Variants in SORCS1 observed in about 807,000 individuals in gnomAD.
SORCS1 encodes sortilin related VPS10 domain containing receptor 1, also known as VPS10 domain-containing receptor SorCS1.
A neutral mutation model predicts 146.1 loss-of-function variants in SORCS1; 60 were observed. The ratio of observed to expected loss-of-function variants is 0.41; its 90% CI spans 0.33 to 0.51. The LOEUF is 0.51. Among genes scored for constraint, SORCS1 ranks in the 20% least tolerant of loss-of-function variants. The pLI is 0.21. For missense variants in SORCS1, 1,352 were observed against 1,487.6 expected (o/e 0.91, Z 1.50); for synonymous variants, 637 against 584.0 (o/e 1.09, Z -1.31).
intron 3 of SORCS1, among the ~76,000 whole-genome samples, chr10:106,793,698 G>A (rs543820924): frequency 1.8e-4 from 28 of 152,252 alleles, no homozygotes; most frequent in African/African-American, 6.7e-4. Context: ...GACCAGTTAA[G>A]CATTACCCAA....
intron 1 of SORCS1, among the ~76,000 whole-genome samples, chr10:107,026,025 T>C (rs182468993): frequency 6.2e-4 from 94 of 152,198 alleles, no homozygotes; most frequent in African/African-American, 2.2e-3. Flanking sequence ...CCCCATGAAT[T>C]CCAACCTGAA....
intron 5 of SORCS1, among the ~76,000 whole-genome samples, chr10:106,736,041 A>C (rs945815974): frequency 2.0e-5 from 3 of 152,206 alleles, no homozygotes; most frequent in Non-Finnish European, 4.4e-5. Context: ...CAAGAATATG[A>C]ATAAAAACAA....
chr10:106,834,819 T>C (rs79529452), intron 2 of SORCS1, among the ~76,000 whole-genome samples: 2,548 of 152,344 alleles, frequency 0.017, 91 homozygotes, highest in African/African-American at 0.058. Context: ...ATTTTCAGGC[T>C]TTGTTTACAG....
At chr10:106,686,154 C>T (rs1852816000) in intron 10 of SORCS1, among the ~76,000 whole-genome samples, 1 of 152,018 alleles carries the variant, frequency 6.6e-6, no homozygotes, top group South Asian at 2.1e-4. Context: ...AAGTGATTGC[C>T]AAGTAAAAGT....
chr10:106,960,348 T>C lies in SORCS1; in HGVS notation c.559-3768A>G, dbSNP rs1955162020. Among the ~76,000 whole-genome samples, 1 of 152,162 alleles carries C rather than the reference T, an allele frequency of 6.6e-6. No individual in the cohort carries two copies. The highest frequency in any genetic ancestry group is 1.5e-5 in the Non-Finnish European group (1 of 68,016). ...CACTGTGACTCCTTCTTGCCACATC[T>C]ATCGCTTACACAACTTTTGGGAGGA... On this transcript the variant is annotated intron_variant, in intron 1 of 25. Coordinates refer to ENST00000263054, the MANE Select transcript of SORCS1 (RefSeq NM_052918.5). This position sits in a 1 kb window ranked among gnomAD's most constrained non-coding sequence, Gnocchi z 4.4.
At chr10:106,683,327 T>C (rs191408195) in intron 10 of SORCS1, among the ~76,000 whole-genome samples, 3 of 152,372 alleles carry the variant, frequency 2.0e-5, no homozygotes, top group Non-Finnish European at 4.4e-5. Flanking sequence ...CTTTGACCAA[T>C]ATCTCCCTAT....
At chr10:106,762,895 C>A (rs1373452843) in intron 4 of SORCS1, among the ~76,000 whole-genome samples, 1 of 152,164 alleles carries the variant, frequency 6.6e-6, no homozygotes, top group African/African-American at 2.4e-5. Context: ...TTGCTCTCAG[C>A]ATGTCCTGAA....
intron 9 of SORCS1, among the ~76,000 whole-genome samples, chr10:106,691,514 T>G (rs1391705395): frequency 6.6e-6 from 1 of 152,254 alleles, no homozygotes; most frequent in East Asian, 1.9e-4. Context: ...ATCATTTTAA[T>G]TAGACTAAAT....
intron 2 of SORCS1, among the ~76,000 whole-genome samples, chr10:106,837,803 G>C (rs1948846802): frequency 6.6e-6 from 1 of 151,660 alleles, no homozygotes; most frequent in Non-Finnish European, 1.5e-5. Flanking sequence ...TTTTTTTCCA[G>C]ATACCTAATA....
chr10:106,789,911 A>G (rs1429277756), intron 3 of SORCS1, among the ~76,000 whole-genome samples: 1 of 152,232 alleles, frequency 6.6e-6, no homozygotes, highest in African/African-American at 2.4e-5. Context: ...ACTGACAATC[A>G]TGGCAGAAGG....
chr10:106,911,081 A>C (rs575629841), intron 2 of SORCS1, among the ~76,000 whole-genome samples: 7 of 152,338 alleles, frequency 4.6e-5, no homozygotes, highest in African/African-American at 1.7e-4. Flanking sequence ...CTTCATTTGG[A>C]CCAGTTCACA....
At chr10:107,132,674 A>T (rs1220858515) in intron 1 of SORCS1, among the ~76,000 whole-genome samples, 1 of 152,204 alleles carries the variant, frequency 6.6e-6, no homozygotes, top group African/African-American at 2.4e-5. Flanking sequence ...GAAAATCAAC[A>T]CACTATTTTA....
In SORCS1 at chr10:106,753,753, T is replaced by C. The variant is rs181263211; in HGVS notation, c.959+7835A>G. On this transcript the variant is annotated intron_variant, in intron 5 of 25. Coordinates refer to ENST00000263054, the MANE Select transcript of SORCS1 (RefSeq NM_052918.5). ...TGGATATGGATAAAGTATCTGCCAG[T>C]GTAGGAGTTTTACGTAAGAAGAGAA... is the stretch of plus-strand genomic sequence containing the variant. Among the ~76,000 whole-genome samples, 436 of 151,040 alleles carry C rather than the reference T, an allele frequency of 2.9e-3. 4 individuals are homozygous for C. The highest frequency in any genetic ancestry group is 9.8e-3 in the African/African-American group (401 of 41,106).
At chr10:106,896,401 C>A (rs536740763) in intron 2 of SORCS1, among the ~76,000 whole-genome samples, 1 of 148,080 alleles carries the variant, frequency 6.8e-6, no homozygotes, top group South Asian at 2.1e-4. Flanking sequence ...TGCACTCCAG[C>A]CTGGGTGACA....
intron 3 of SORCS1, among the ~76,000 whole-genome samples, chr10:106,798,209 C>T (rs2136606696): frequency 6.6e-6 from 1 of 152,268 alleles, no homozygotes; most frequent in South Asian, 2.1e-4. Flanking sequence ...ATGCCTTTCA[C>T]CTTCTGCCAT....
chr10:106,668,839 G>A (rs1851368269), intron 16 of SORCS1, among the ~76,000 whole-genome samples: 1 of 152,144 alleles, frequency 6.6e-6, no homozygotes, highest in South Asian at 2.1e-4. Flanking sequence ...AGAGGGACAG[G>A]CAAGGTCATT....
At chr10:106,700,776 A>G (rs1854083532) in intron 8 of SORCS1, among the ~76,000 whole-genome samples, 1 of 152,186 alleles carries the variant, frequency 6.6e-6, no homozygotes, top group African/African-American at 2.4e-5. Context: ...CCAGAGGGAG[A>G]AGTCCATATC....
chr10:106,757,698 T>C (rs924791611), intron 5 of SORCS1, among the ~76,000 whole-genome samples: 1 of 152,202 alleles, frequency 6.6e-6, no homozygotes, highest in African/African-American at 2.4e-5. Context: ...CAAAAGAACT[T>C]TGGGCTCTCA....
intron 19 of SORCS1, 67 bp downstream of exon 19, chr10:106,629,135 G>T: frequency 1.4e-6 from 2 of 1,410,920 alleles, no homozygotes; most frequent in Non-Finnish European, 9.7e-7. Flanking sequence ...ATATAAAATT[G>T]TGAATTCAAT....
Sources: gnomAD v4.1 joint callset for allele counts (sites outside exome capture counted in the v4.1 genomes callset) on GRCh38, gnomAD v4.1.1 for gene constraint, Gnocchi (gnomAD v3.1) non-coding constraint, MANE v1.5 for transcripts, NCBI Gene and HGNC (gene_info 2026-07-23, HGNC 2026-07-21) for gene names.